The following KIF9 variants were observed in gnomAD, a reference collection of about 807,000 sequenced individuals.
KIF9 encodes kinesin-like protein KIF9.
A neutral mutation model predicts 94.8 loss-of-function variants in KIF9; 68 were observed. The ratio of observed to expected loss-of-function variants is 0.72; its 90% confidence interval spans 0.59 to 0.88. The LOEUF (loss-of-function observed/expected upper bound fraction) is 0.88. Among genes scored for constraint, KIF9 ranks in the 40% least tolerant of loss-of-function variants. The probability of loss-of-function intolerance (pLI) is 0.00; values close to 1 mark genes in which losing one functional copy is unlikely to be tolerated. For synonymous variants in KIF9, 343 were observed against 362.1 expected, an observed-to-expected ratio of 0.95 and a Z score of 0.60; for missense variants, 882 against 982.5, an observed-to-expected ratio of 0.90 and a Z score of 1.37.
chr3:47,282,287 T>C (rs1702430121), intron 1 of KIF9: 8 of 985,624 alleles, frequency 8.1e-6, no homozygotes, highest in Non-Finnish European at 9.6e-6. Flanking sequence ...GTGGGACCAA[T>C]GAACATTAGC....
intron 17 of KIF9, among the ~76,000 whole-genome samples, chr3:47,237,861 G>A (rs1362522353): frequency 1.3e-5 from 2 of 152,204 alleles, no homozygotes; most frequent in African/African-American, 2.4e-5. Context: ...CTCACCAGGT[G>A]TCTCACCTTC....
chr3:47,264,303 C>T lies in KIF9; in HGVS notation c.964G>A (p.Ala322Thr). ...VLVTNIYGEA[A>T]QLEETLSSLR... ...TTACATACCGTTTCTTCTAACTGGGCAGCTTCTCCATAGATGTTTGTCACG... is the reference window on the plus strand; with the variant it reads ...TTACATACCGTTTCTTCTAACTGGGTAGCTTCTCCATAGATGTTTGTCACG... The change falls in exon 9 of 21, where the codon GCC becomes ACC. Residue 322 changes from alanine (A) to threonine (T), a missense_variant. Ala to Thr is a moderately conservative substitution (Grantham distance 58, BLOSUM62 0). Coordinates refer to ENST00000684063, the MANE Select transcript of KIF9 (RefSeq NM_182902.4). 6.2e-7 allele frequency: 1 copy of T among 1,613,446 alleles called. No homozygotes were observed. Among genetic ancestry groups the T allele is most frequent in the Middle Eastern group, 1.7e-4 (1 of 6,060 alleles).
intron 9 of KIF9, chr3:47,264,083 T>C (rs1701142913): frequency 8.6e-6 from 5 of 581,414 alleles, no homozygotes; most frequent in Non-Finnish European, 1.6e-5. Flanking sequence ...GCTGGCCCTT[T>C]TCCTCCGCAC....
chr3:47,239,503 AT>A, intron 17 of KIF9: 2 of 1,020,272 alleles, frequency 2.0e-6, no homozygotes, highest in South Asian at 6.7e-5. Context: ...CAGGAATAGC[AT>A]GTCATAATTG....
intron 15 of KIF9, 176 bp from the exon 16 acceptor site, chr3:47,243,421 T>G (rs1699716470): frequency 4.3e-6 from 2 of 460,632 alleles, no homozygotes; most frequent in South Asian, 1.3e-4. Context: ...CAGGCAGATG[T>G]GGAGGAAGAA....
intron 4 of KIF9, among the ~76,000 whole-genome samples, chr3:47,272,685 A>G (rs1701721587): frequency 6.6e-6 from 1 of 152,152 alleles, no homozygotes; most frequent in South Asian, 2.1e-4. Context: ...AATTAATTTC[A>G]TCTGTTTATT....
At chr3:47,238,822 C>G (rs1390851036) in intron 17 of KIF9, among the ~76,000 whole-genome samples, 1 of 152,108 alleles carries the variant, frequency 6.6e-6, no homozygotes, top group Non-Finnish European at 1.5e-5. Context: ...TCACCTACGC[C>G]CGGATAATTT....
chr3:47,228,729 G>C (rs370510208), intron 20 of KIF9, 27 bp from the exon 21 acceptor site: 1 of 1,600,942 alleles, frequency 6.2e-7, no homozygotes. Context: ...GAGAAAACAG[G>C]AACTTATTAG....
chr3:47,279,022 T>C (rs1221747087), intron 1 of KIF9, among the ~76,000 whole-genome samples: 1 of 151,590 alleles, frequency 6.6e-6, no homozygotes, highest in Non-Finnish European at 1.5e-5. Flanking sequence ...TTACCAAGCA[T>C]GGTGGTGCAT....
chr3:47,228,950 G>T (rs1280888471), intron 20 of KIF9, among the ~76,000 whole-genome samples: 1 of 152,164 alleles, frequency 6.6e-6, no homozygotes, highest in Non-Finnish European at 1.5e-5. Context: ...TTGAAAGGAG[G>T]CATATAGGTT....
At chr3:47,271,102 C>A in intron 5 of KIF9, 135 bp downstream of exon 5, 1 of 671,074 alleles carries the variant, frequency 1.5e-6, no homozygotes, top group Non-Finnish European at 2.5e-6. Flanking sequence ...CATGTTCATG[C>A]CAGTATACTC....
At chr3:47,240,144 G>A in intron 17 of KIF9, 3 of 314,542 alleles carry the variant, frequency 9.5e-6, no homozygotes, top group South Asian at 5.8e-5. Flanking sequence ...CTCAGTGCAG[G>A]TGTGGGCGGC....
At chr3:47,245,780 T>C (rs913209547) in intron 13 of KIF9, 4 of 523,510 alleles carry the variant, frequency 7.6e-6, no homozygotes, top group African/African-American at 5.7e-5. Flanking sequence ...GACCGTAAGC[T>C]TCACTTGGGA....
In KIF9 at chr3:47,277,337, A is replaced by C. The variant is rs753574617; in HGVS notation, c.38T>G (p.Val13Gly). 6.2e-7 allele frequency: 1 copy of C among 1,614,106 alleles called. No homozygotes were observed. The highest frequency in any genetic ancestry group is 1.7e-5 in the Admixed American group (1 of 60,008). Residue 13 changes from valine to glycine, a missense_variant, in exon 2 of 21, where the codon GTC becomes GGC. By Grantham distance (109) the Val-to-Gly change is moderately radical. Transcript: ENST00000684063. ...TRKKVHAFVR[V>G]KPTDDFAHEM... ...ATGAGCAAAGTCATCGGTGGGTTTGACACGGACAAATGCATGAACTTTTTT... is the reference window on the plus strand; with the variant it reads ...ATGAGCAAAGTCATCGGTGGGTTTGCCACGGACAAATGCATGAACTTTTTT...
At chr3:47,275,264 A>T (rs749445653) in intron 3 of KIF9, 61 bp downstream of exon 3, 1 of 1,223,952 alleles carries the variant, frequency 8.2e-7, no homozygotes, top group Admixed American at 2.3e-5. Context: ...TCACCATAAA[A>T]TATTTGCATC....
At chr3:47,249,154 T>TTC (rs1700112895) in intron 10 of KIF9, among the ~76,000 whole-genome samples, 1 of 151,414 alleles carries the variant, frequency 6.6e-6, no homozygotes, top group Non-Finnish European at 1.5e-5. Flanking sequence ...TCTAATTTTT[T>TTC]TTTTTTTTTG....
chr3:47,277,297 G>GT lies in KIF9; in HGVS notation c.77dup (p.Tyr26Ter), dbSNP rs1702039943. Reference sequence around the variant, plus strand: ...TCGCACTTACTCTTTTGTCATCTCCGTATCTGATCATTTCATGAGCAAAGT... The same window carrying GT: ...TCGCACTTACTCTTTTGTCATCTCCGTTATCTGATCATTTCATGAGCAAAGT... ...TDDFAHEMIRYGDDKRSIDIH... is the reference protein window; with the variant it reads ...TDDFAHEMIR Residue 26 changes from tyrosine to a stop codon, truncating the protein, a stop_gained and frameshift_variant, in exon 2 of 21, where the codon TAC becomes TAAC. Transcript: ENST00000684063. LOFTEE classifies it high-confidence loss of function. 1 of 1,613,580 alleles carries GT rather than the reference G, an allele frequency of 6.2e-7. No individual in the cohort carries two copies. Among genetic ancestry groups the GT allele is most frequent in the Non-Finnish European group, 8.5e-7 (1 of 1,179,614 alleles).
At chr3:47,281,538 G>A (rs1322271126) in intron 1 of KIF9, among the ~76,000 whole-genome samples, 4 of 152,086 alleles carry the variant, frequency 2.6e-5, no homozygotes, top group Admixed American at 2.6e-4. Context: ...CGTAGAGACA[G>A]GGTTTCGCCA....
intron 20 of KIF9, 55 bp from the exon 21 acceptor site, chr3:47,228,757 G>C: frequency 1.4e-6 from 2 of 1,446,290 alleles, no homozygotes; most frequent in Non-Finnish European, 1.9e-6. Flanking sequence ...AGACATAGCA[G>C]GGACTCAGAC....
Sources: gnomAD v4.1 joint callset for allele counts (sites outside exome capture counted in the v4.1 genomes callset) on GRCh38, gnomAD v4.1.1 for gene constraint, MANE v1.5 for transcripts, NCBI Gene and HGNC (gene_info 2026-07-23, HGNC 2026-07-21) for gene names.